The following PKIB variants were observed in gnomAD, a reference collection of about 807,000 sequenced individuals.
PKIB encodes cAMP-dependent protein kinase inhibitor beta, also known as PKI-beta.
Under a neutral mutation model 4.5 loss-of-function variants are expected in PKIB, and 2 were observed. That is an observed-to-expected ratio of 0.44 (90% confidence interval 0.18 to 1.39). The LOEUF (loss-of-function observed/expected upper bound fraction) is 1.39, where lower values mean the gene tolerates loss of function less well. Among genes scored for constraint, PKIB ranks in the 40% most tolerant of loss-of-function variants. The pLI is 0.27. For missense variants in PKIB, 94 were observed against 92.6 expected (o/e 1.02, Z -0.06); for synonymous variants, 38 against 36.0 (o/e 1.06, Z -0.20).
At position 122,632,031 on chromosome 6, in the gene PKIB, C is replaced by G. The variant is rs1775724559; in HGVS notation, c.-160-1252C>G. ...AGGATGGATTCGAAGGGGAATGACT[C>G]AGGCAGGGATACTGGTGAGAAATGT... is the stretch of plus-strand genomic sequence containing the variant. On this transcript the variant is annotated intron_variant, in intron 1 of 4. Transcript: ENST00000368452. 3.3e-5 allele frequency among the ~76,000 whole-genome samples: 5 copies of G among 152,240 alleles called. No homozygotes were observed. In the South Asian group the frequency reaches 1.0e-3, roughly 32 times the overall value.
chr6:122,624,739 G>C (rs1463723763), intron 1 of PKIB, among the ~76,000 whole-genome samples: 1 of 152,150 alleles, frequency 6.6e-6, no homozygotes, highest in African/African-American at 2.4e-5. Flanking sequence ...AGCTGAATTT[G>C]AATCCCAGCT....
chr6:122,525,551 A>T (rs1472387785), intron 2 of PKIB, among the ~76,000 whole-genome samples: 1 of 152,222 alleles, frequency 6.6e-6, no homozygotes, highest in Non-Finnish European at 1.5e-5. Context: ...CAAGATCACA[A>T]CGAAGCAAGT....
At chr6:122,638,934 T>C (rs1776028054) in intron 2 of PKIB, among the ~76,000 whole-genome samples, 1 of 152,206 alleles carries the variant, frequency 6.6e-6, no homozygotes, top group Admixed American at 6.5e-5. Flanking sequence ...TCTAATACCC[T>C]TGCTAAATAA....
intron 2 of PKIB, among the ~76,000 whole-genome samples, chr6:122,634,332 A>G (rs973794011): frequency 2.0e-5 from 3 of 152,134 alleles, no homozygotes; most frequent in African/African-American, 7.2e-5. Flanking sequence ...CATTCTGCAC[A>G]TGTATCCCAG....
chr6:122,722,733 G>C (rs1426412753), intron 4 of PKIB, among the ~76,000 whole-genome samples: 1 of 152,108 alleles, frequency 6.6e-6, no homozygotes, highest in Non-Finnish European at 1.5e-5. Context: ...GATTGTTAGG[G>C]TGCAAATTCT....
intron 2 of PKIB, among the ~76,000 whole-genome samples, chr6:122,657,875 G>A (rs1171689281): frequency 2.0e-5 from 3 of 152,146 alleles, no homozygotes; most frequent in Non-Finnish European, 4.4e-5. Flanking sequence ...GAGCCATTAA[G>A]GGACATAACT....
intron 4 of PKIB, among the ~76,000 whole-genome samples, chr6:122,723,811 A>G (rs757092267): frequency 9.2e-5 from 14 of 152,078 alleles, no homozygotes; most frequent in Non-Finnish European, 1.3e-4. Context: ...AGGCCACAAG[A>G]CTTCTTGAAA....
intron 2 of PKIB, among the ~76,000 whole-genome samples, chr6:122,565,806 A>G (rs1218746116): frequency 1.3e-5 from 2 of 152,228 alleles, no homozygotes; most frequent in Non-Finnish European, 2.9e-5. Flanking sequence ...TTTAATTTAA[A>G]GAAAAAGGTA....
intron 3 of PKIB, among the ~76,000 whole-genome samples, chr6:122,714,033 G>T (rs1451241145): frequency 6.6e-6 from 1 of 151,862 alleles, no homozygotes; most frequent in Non-Finnish European, 1.5e-5. Context: ...TTTCTTGTTG[G>T]GCTTTCAGGT....
intron 2 of PKIB, among the ~76,000 whole-genome samples, chr6:122,576,689 A>AAAAAAAAATATATATAT (rs1345822382): frequency 1.7e-4 from 6 of 34,310 alleles, no homozygotes; most frequent in East Asian, 1.1e-3. Context: ...AAAAAAAAAA[A>AAAAAAAAATATATATAT]ATATATATAT....
At chr6:122,576,716 T>TATA (rs1562257709) in intron 2 of PKIB, among the ~76,000 whole-genome samples, 1 of 100,634 alleles carries the variant, frequency 9.9e-6, no homozygotes, top group African/African-American at 3.8e-5. Flanking sequence ...ATATATTTTC[T>TATA]TTTGTATAAT....
chr6:122,685,157 A>G (rs995247446), intron 3 of PKIB, among the ~76,000 whole-genome samples: 9 of 152,154 alleles, frequency 5.9e-5, no homozygotes, highest in African/African-American at 1.7e-4. Flanking sequence ...AAGAAATGAG[A>G]TCATCATGAA....
chr6:122,712,584 A>G (rs1779316765), intron 3 of PKIB, among the ~76,000 whole-genome samples: 1 of 152,180 alleles, frequency 6.6e-6, no homozygotes, highest in South Asian at 2.1e-4. Context: ...CAGGAAAAGC[A>G]CTGACATTTT....
chr6:122,564,860 T>C lies in PKIB; in HGVS notation c.-247-21061T>C, dbSNP rs184426283. On this transcript the variant is annotated intron_variant, in intron 2 of 6. Transcript: ENST00000392491. ...CTTAGGAATTGGGTATTTCCAAGCA[T>C]TTGCCGCCAGTGTTAGGGTTTCTCT... Among the ~76,000 whole-genome samples the C allele has an allele frequency of 5.9e-5, 9 of 152,290 alleles. No homozygotes were observed. The East Asian group carries it at 1.7e-3, about 29-fold the overall frequency.
At chr6:122,706,703 G>A (rs1779068911) in intron 3 of PKIB, among the ~76,000 whole-genome samples, 1 of 152,070 alleles carries the variant, frequency 6.6e-6, no homozygotes, top group Admixed American at 6.6e-5. Context: ...AGAATCACAT[G>A]AACAAATTCT....
Position 122,570,856 on chromosome 6 carries a change from A to G in PKIB, c.-247-15065A>G, listed in dbSNP as rs186637226. 3.4e-3 allele frequency among the ~76,000 whole-genome samples: 521 copies of G among 152,272 alleles called. 4 individuals are homozygous for G. Among genetic ancestry groups the G allele is most frequent in the African/African-American group, 0.012 (480 of 41,558 alleles). ...ATATGACAAAAGAGAGTTCTGTAAC[A>G]CCCCCAAAAGATCAAACTAACTCCC... On this transcript the variant is annotated intron_variant, in intron 2 of 6. Coordinates refer to the PKIB transcript ENST00000392491.
At chr6:122,630,161 G>T (rs190170367) in intron 1 of PKIB, among the ~76,000 whole-genome samples, 1 of 152,044 alleles carries the variant, frequency 6.6e-6, no homozygotes, top group African/African-American at 2.4e-5. Context: ...ATAGGACCTA[G>T]CAATTCCACT....
At chr6:122,480,987 T>G (rs1307829780) in intron 2 of PKIB, 2 of 152,196 alleles carry the variant, frequency 1.3e-5, no homozygotes, top group African/African-American at 4.8e-5. Context: ...GAGTAAATCT[T>G]AAGACATCAC....
At chr6:122,506,792 C>T (rs532027527) in intron 2 of PKIB, among the ~76,000 whole-genome samples, 16 of 149,678 alleles carry the variant, frequency 1.1e-4, no homozygotes, top group South Asian at 2.1e-4. Context: ...CTCCGCCTCC[C>T]GGGTTCACGC....
Sources: gnomAD v4.1 joint callset for allele counts (sites outside exome capture counted in the v4.1 genomes callset) on GRCh38, gnomAD v4.1.1 for gene constraint, MANE v1.5 for transcripts, NCBI Gene and HGNC (gene_info 2026-07-23, HGNC 2026-07-21) for gene names.